PHF20L1: variants seen among roughly 807,000 people sequenced by gnomAD.
PHF20L1 encodes PHD finger protein 20 like 1, also known as PHD finger protein 20-like protein 1.
In PHF20L1, 44 loss-of-function variants were observed where a neutral mutation model predicts 125.5. The ratio of observed to expected loss-of-function variants is 0.35; its 90% CI spans 0.28 to 0.45. The LOEUF (loss-of-function observed/expected upper bound fraction) is 0.45, where lower values mean the gene tolerates loss of function less well. Among genes scored for constraint, PHF20L1 ranks in the 20% least tolerant of loss-of-function variants. The probability of loss-of-function intolerance (pLI) is 1.00; values close to 1 mark genes in which losing one functional copy is unlikely to be tolerated. For missense variants in PHF20L1, 1,012 were observed against 1,217.2 expected, an observed-to-expected ratio of 0.83 and a Z score of 2.51; for synonymous variants, 380 against 403.1, an observed-to-expected ratio of 0.94 and a Z score of 0.69.
chr8:132,830,371 C>A (rs1288231331), intron 14 of PHF20L1, among the ~76,000 whole-genome samples: 2 of 152,102 alleles, frequency 1.3e-5, no homozygotes, highest in African/African-American at 4.8e-5. Flanking sequence ...CTTAATTCCA[C>A]TTTTCCACAT....
chr8:132,806,009 G>A (rs1174507077), intron 8 of PHF20L1, among the ~76,000 whole-genome samples: 1 of 151,856 alleles, frequency 6.6e-6, no homozygotes, highest in Non-Finnish European at 1.5e-5. Context: ...TTAAAATATG[G>A]AACCCAGTGC....
chr8:132,807,123 GATATAC>G (rs949528581), intron 8 of PHF20L1: 5 of 151,998 alleles, frequency 3.3e-5, no homozygotes, highest in East Asian at 1.9e-4. Flanking sequence ...TATACATACA[GATATAC>G]ATATATATTT....
intron 4 of PHF20L1, among the ~76,000 whole-genome samples, chr8:132,795,703 C>T (rs1350391924): frequency 6.6e-6 from 1 of 151,962 alleles, no homozygotes; most frequent in East Asian, 1.9e-4. Flanking sequence ...TCCAAGACCC[C>T]CAGTGGGTAT....
chr8:132,793,751 C>G (rs1832054545), intron 2 of PHF20L1, among the ~76,000 whole-genome samples: 1 of 152,148 alleles, frequency 6.6e-6, no homozygotes, highest in Non-Finnish European at 1.5e-5. Context: ...TAAGGTTTTA[C>G]TGAGCCTTAC....
At chr8:132,828,173 A>G (rs1198685383) in intron 14 of PHF20L1, among the ~76,000 whole-genome samples, 2 of 152,008 alleles carry the variant, frequency 1.3e-5, no homozygotes, top group Non-Finnish European at 2.9e-5. Flanking sequence ...GAGTTTCAAA[A>G]TTCTTTCTTT....
Position 132,806,255 on chromosome 8 carries a change from G to A in PHF20L1, c.847+1515G>A, listed in dbSNP as rs547072913. 532 of 151,796 alleles carry A rather than the reference G, an allele frequency of 3.5e-3. 3 individuals carry two copies. Among genetic ancestry groups the A allele is most frequent in the African/African-American group, 0.012 (504 of 41,468 alleles). The allele number at this position is 151,796 out of a possible 1,614,324, so 9.4% of individuals were successfully genotyped here. ...ATATTCAAGCTCAACGTTTAAAGAAGTAAAAAAAACAAAAAACTACAACAC... is the reference window on the plus strand; with the variant it reads ...ATATTCAAGCTCAACGTTTAAAGAAATAAAAAAAACAAAAAACTACAACAC... On this transcript the variant is annotated intron_variant, in intron 8 of 20. Coordinates refer to ENST00000395386, the MANE Select transcript of PHF20L1 (RefSeq NM_016018.5).
rs1039599327 is a variant in PHF20L1, at chr8:132,782,734, G to A, written c.83+4823G>A. ...CTCCCAAGTAGCTGGGACTACAGGC[G>A]TATGCCATAGTAACCTGCTGATTTT... On this transcript the variant is annotated intron_variant, in intron 2 of 20. Transcript: ENST00000395386. Among the ~76,000 whole-genome samples, 5 of 151,688 alleles carry A rather than the reference G, an allele frequency of 3.3e-5. No homozygotes were observed. In the South Asian group the frequency reaches 6.3e-4, roughly 19 times the overall value.
chr8:132,832,954 CA>C (rs1836935332), intron 15 of PHF20L1, among the ~76,000 whole-genome samples: 1 of 152,096 alleles, frequency 6.6e-6, no homozygotes, highest in African/African-American at 2.4e-5. Flanking sequence ...AAGGCCACGT[CA>C]GCAGTGAAGG....
At chr8:132,790,376 A>G (rs1322993649) in intron 2 of PHF20L1, among the ~76,000 whole-genome samples, 2 of 152,142 alleles carry the variant, frequency 1.3e-5, no homozygotes, top group Non-Finnish European at 2.9e-5. Flanking sequence ...TTTCACGGGT[A>G]TTGCAAAGAT....
chr8:132,798,872 C>T lies in PHF20L1; in HGVS notation c.429+12C>T, dbSNP rs199595853. 2.2e-5 allele frequency: 35 copies of T among 1,561,852 alleles called. No homozygotes were observed. Among genetic ancestry groups the T allele is most frequent in the African/African-American group, 1.4e-4 (10 of 73,692 alleles). On this transcript the variant is annotated intron_variant, in intron 5 of 20. Transcript: ENST00000395386. ...ATGCTAAGGGGCAGGTAAGAGTGTT[C>T]AGTATTCCTAGCTACCCAAAGGGTT... is the stretch of plus-strand genomic sequence containing the variant.
chr8:132,820,720 T>C (rs1424722912), intron 12 of PHF20L1, among the ~76,000 whole-genome samples: 2 of 151,970 alleles, frequency 1.3e-5, no homozygotes, highest in Non-Finnish European at 2.9e-5. Flanking sequence ...GTTTTACTTA[T>C]CATTAATCAG....
At chr8:132,818,009 T>C (rs1400506637) in intron 12 of PHF20L1, 1 of 152,452 alleles carries the variant, frequency 6.6e-6, no homozygotes, top group Admixed American at 6.6e-5. Context: ...CAAATTGAAT[T>C]AAATTTGCTG....
intron 9 of PHF20L1, chr8:132,811,362 C>T (rs1359035235): frequency 1.7e-6 from 2 of 1,210,456 alleles, no homozygotes; most frequent in African/African-American, 3.1e-5. Flanking sequence ...ATTTGAAGGC[C>T]TGGAGACAGG....
At chr8:132,781,633 A>G (rs748832618) in intron 2 of PHF20L1, among the ~76,000 whole-genome samples, 13 of 152,010 alleles carry the variant, frequency 8.6e-5, no homozygotes, top group Non-Finnish European at 1.8e-4. Context: ...GGGTTTCGCC[A>G]TGTTGTCTGG....
chr8:132,792,411 T>C (rs1831834839), intron 2 of PHF20L1, among the ~76,000 whole-genome samples: 1 of 152,192 alleles, frequency 6.6e-6, no homozygotes, highest in Non-Finnish European at 1.5e-5. Context: ...AGGGCAGGCA[T>C]GTCCACCTCA....
Position 132,811,083 on chromosome 8 carries a change from T to C in PHF20L1, c.885T>C (p.Ala295=), listed in dbSNP as rs1159773947. The change falls in exon 9 of 21, where the codon GCT becomes GCC. Residue 295 remains alanine (A), a synonymous_variant. Transcript: ENST00000395386. ...CCAAAGCTGTTGGGGTTGATGGTGC[T>C]GAAAAAAAGGAAGACTACAATGAAA... ...LASKAVGVDG[A]EKKEDYNETA... is the part of the protein sequence containing the mutation. 2 of 1,612,642 alleles carry C rather than the reference T, an allele frequency of 1.2e-6. No homozygotes were observed. Among genetic ancestry groups the C allele is most frequent in the Admixed American group, 1.7e-5 (1 of 59,996 alleles).
At chr8:132,813,498 C>T (rs561210819) in intron 9 of PHF20L1, among the ~76,000 whole-genome samples, 113 of 151,812 alleles carry the variant, frequency 7.4e-4, no homozygotes, top group Non-Finnish European at 1.4e-3. Context: ...TTATTTAGTC[C>T]CCAGAAAATG....
intron 9 of PHF20L1, among the ~76,000 whole-genome samples, chr8:132,814,228 AAAATC>A: frequency 6.6e-6 from 1 of 152,118 alleles, no homozygotes; most frequent in South Asian, 2.1e-4. Context: ...GAAAACATCT[AAAATC>A]AAAAGCTTAA....
At chr8:132,812,142 G>C (rs985807559) in intron 9 of PHF20L1, 8 of 980,186 alleles carry the variant, frequency 8.2e-6, no homozygotes, top group Non-Finnish European at 9.7e-6. Flanking sequence ...CAACGGTTAA[G>C]TCTTTGCCGT....
Sources: allele counts gnomAD v4.1 joint callset (sites outside exome capture counted in the v4.1 genomes callset), GRCh38; gene constraint gnomAD v4.1.1; transcripts MANE v1.5; gene names NCBI Gene and HGNC (gene_info 2026-07-23, HGNC 2026-07-21).